The following NLRC4 variants were observed in gnomAD, a reference collection of about 807,000 sequenced individuals.
NLRC4 encodes the protein NLR family CARD domain-containing protein 4.
In NLRC4, 63 loss-of-function variants were observed where a neutral mutation model predicts 79.9. That is an observed-to-expected ratio of 0.79 (90% CI 0.64 to 0.97). The LOEUF (loss-of-function observed/expected upper bound fraction) is 0.97. NLRC4 is among the 50% of genes least tolerant of loss of function. The pLI is 0.00. For missense variants in NLRC4, 1,074 were observed against 1,215.2 expected (o/e 0.88, Z 1.73); for synonymous variants, 461 against 456.5 (o/e 1.01, Z -0.12).
intron 3 of NLRC4, 98 bp from the exon 4 acceptor site, chr2:32,251,699 G>A: frequency 3.8e-6 from 3 of 790,476 alleles, no homozygotes; most frequent in Non-Finnish European, 6.3e-6. Context: ...CTGAGAATCT[G>A]CCATTGGTGA....
At chr2:32,247,350 T>C (rs1372007534) in intron 4 of NLRC4, among the ~76,000 whole-genome samples, 1 of 150,408 alleles carries the variant, frequency 6.6e-6, no homozygotes, top group Non-Finnish European at 1.5e-5. Context: ...GTTTCACTCT[T>C]GTTGCCCAGG....
intron 5 of NLRC4, 86 bp downstream of exon 5, chr2:32,240,947 G>T: frequency 1.2e-6 from 1 of 801,226 alleles, no homozygotes; most frequent in Non-Finnish European, 2.1e-6. Flanking sequence ...CTTGCCTTGT[G>T]CAGACACAGC....
At chr2:32,242,805 G>C (rs1319925886) in intron 4 of NLRC4, among the ~76,000 whole-genome samples, 2 of 152,160 alleles carry the variant, frequency 1.3e-5, no homozygotes, top group Non-Finnish European at 2.9e-5. Context: ...CCCGTGCTTT[G>C]GGGGGCAGAG....
chr2:32,261,316 C>CTTTTTTT lies in NLRC4; in HGVS notation c.-119+3421_-119+3422insAAAAAAA, dbSNP rs751434892. Among the ~76,000 whole-genome samples, 171 of 96,836 alleles carry CTTTTTTT rather than the reference C, an allele frequency of 1.8e-3. 28 individuals carry two copies. Among genetic ancestry groups the CTTTTTTT allele is most frequent in the African/African-American group, 4.7e-3 (113 of 24,194 alleles). 63.5% of individuals were successfully genotyped at this position (96,836 alleles called of 152,430 possible). On this transcript the variant is annotated intron_variant, in intron 1 of 8. Transcript: ENST00000402280. ...TTCTTTCGCCTATTAAGCCTCCCCC[C>CTTTTTTT]TTTTGTTTTTTTTTGAGATGGAGCC...
At chr2:32,231,681 C>T (rs1226970370) in intron 8 of NLRC4, among the ~76,000 whole-genome samples, 1 of 151,776 alleles carries the variant, frequency 6.6e-6, no homozygotes, top group African/African-American at 2.4e-5. Flanking sequence ...GCCATCCTCC[C>T]ACCTCAGCCT....
At chr2:32,246,372 A>G (rs980198758) in intron 4 of NLRC4, among the ~76,000 whole-genome samples, 1 of 152,236 alleles carries the variant, frequency 6.6e-6, no homozygotes, top group Non-Finnish European at 1.5e-5. Flanking sequence ...AGTCTTCGTG[A>G]CACCCAGAAT....
At chr2:32,252,747 G>C in intron 2 of NLRC4, 68 bp from the exon 3 acceptor site, 3 of 1,391,556 alleles carry the variant, frequency 2.2e-6, no homozygotes, top group Non-Finnish European at 2.0e-6. Flanking sequence ...GGCTGGGCAC[G>C]GTGGCTCACG....
At chr2:32,226,275 C>G (rs548794815) in intron 8 of NLRC4, among the ~76,000 whole-genome samples, 2 of 152,318 alleles carry the variant, frequency 1.3e-5, no homozygotes, top group East Asian at 3.9e-4. Context: ...AATTTGGTGT[C>G]TGATGTCACT....
intron 4 of NLRC4, among the ~76,000 whole-genome samples, chr2:32,241,437 C>T (rs1172602631): frequency 7.6e-6 from 1 of 131,926 alleles, no homozygotes; most frequent in Non-Finnish European, 1.5e-5. Context: ...AGTGCAGTGG[C>T]GCAATCTCAG....
upstream of NLRC4, among the ~76,000 whole-genome samples, chr2:32,265,121 T>G (rs572591623): frequency 6.6e-6 from 1 of 152,340 alleles, no homozygotes; most frequent in Non-Finnish European, 1.5e-5. Context: ...TTACTTATTC[T>G]ATACCTTAAA....
intron 8 of NLRC4, among the ~76,000 whole-genome samples, chr2:32,234,448 T>C (rs1686626859): frequency 2.0e-5 from 3 of 152,110 alleles, no homozygotes; most frequent in Admixed American, 2.0e-4. Flanking sequence ...ACTAAACACA[T>C]TTTAGACAAT....
Position 32,251,400 on chromosome 2 carries a change from T to TTCAGGGTC in NLRC4, c.456_463dup (p.Asn155ArgfsTer3). On this transcript the variant is annotated stop_gained and frameshift_variant, in exon 4 of 9. Coordinates refer to ENST00000402280, the MANE Select transcript of NLRC4 (RefSeq NM_001199138.2). LOFTEE classifies it high-confidence loss of function. The stretch of plus-strand genomic sequence containing the variant: ...GCTCTGAAGAGCCTGCAGGAGGCCA[T>TTCAGGGTC]TCAGGGTCAGCTGCTCCACGCGGTG... 6.2e-7 allele frequency: 1 copy of TTCAGGGTC among 1,614,080 alleles called. No individual in the cohort carries two copies.
chr2:32,227,402 G>A (rs1377643252), intron 8 of NLRC4, among the ~76,000 whole-genome samples: 1 of 152,094 alleles, frequency 6.6e-6, no homozygotes, highest in African/African-American at 2.4e-5. Context: ...TTGGAGGATG[G>A]CTTTCTCCCT....
intron 6 of NLRC4, among the ~76,000 whole-genome samples, chr2:32,237,734 A>G (rs572755038): frequency 1.1e-4 from 16 of 152,232 alleles, no homozygotes; most frequent in South Asian, 4.1e-4. Context: ...TAACAGGGCA[A>G]TGGGTAGGAA....
rs1191568410 is a variant in NLRC4 at position 32,224,578 on chromosome 2, C to T, written c.2970G>A (p.Val990=). The T allele has an allele frequency of 3.1e-6, 5 of 1,613,690 alleles. No individual in the cohort carries two copies. Among genetic ancestry groups the T allele is most frequent in the Non-Finnish European group, 4.2e-6 (5 of 1,179,674 alleles). The change falls in exon 9 of 9, where the codon GTG becomes GTA. Residue 990 remains valine (V), a synonymous_variant. Transcript: ENST00000402280. ...CTTGCAGAAAAGTTAACTTGGATAACACTTGGCTAAGTTTTCTGACTAATG... is the reference window on the plus strand; with the variant it reads ...CTTGCAGAAAAGTTAACTTGGATAATACTTGGCTAAGTTTTCTGACTAATG... The part of the protein sequence containing the change: ...DPALVRKLSQ[V]LSKLTFLQEA...
At chr2:32,225,191 G>A (rs1412995391) in intron 8 of NLRC4, among the ~76,000 whole-genome samples, 1 of 152,094 alleles carries the variant, frequency 6.6e-6, no homozygotes, top group Non-Finnish European at 1.5e-5. Context: ...CTATGGGTAT[G>A]TTCCTAACTG....
intron 8 of NLRC4, among the ~76,000 whole-genome samples, chr2:32,226,609 G>A (rs531499367): frequency 2.6e-5 from 4 of 152,272 alleles, no homozygotes; most frequent in East Asian, 1.9e-4. Context: ...GGCCGGGTGC[G>A]GTGGCTCATG....
chr2:32,231,519 T>G (rs1167240106), intron 8 of NLRC4, among the ~76,000 whole-genome samples: 1 of 150,180 alleles, frequency 6.7e-6, no homozygotes, highest in Non-Finnish European at 1.5e-5. Flanking sequence ...TGCAATTTTT[T>G]TTTCACATTC....
At chr2:32,245,032 G>A (rs781195497) in intron 4 of NLRC4, among the ~76,000 whole-genome samples, 4 of 151,426 alleles carry the variant, frequency 2.6e-5, no homozygotes, top group Non-Finnish European at 4.4e-5. Flanking sequence ...ATTATAGACC[G>A]GGCACGGTGG....
Sources: gnomAD v4.1 joint callset for allele counts (sites outside exome capture counted in the v4.1 genomes callset) on GRCh38, gnomAD v4.1.1 for gene constraint, MANE v1.5 for transcripts, NCBI Gene and HGNC (gene_info 2026-07-23, HGNC 2026-07-21) for gene names.